The following ASAH2 variants were observed in gnomAD, a reference collection of about 807,000 sequenced individuals.
ASAH2 encodes neutral ceramidase.
ASAH2 carries 58 observed loss-of-function variants against 82.9 expected under a neutral mutation model. The observed-to-expected ratio is 0.70, with a 90% CI of 0.57 to 0.87. The LOEUF is 0.87. ASAH2 is among the 40% of genes least tolerant of loss of function. ASAH2 has a pLI of 0.00. For missense variants in ASAH2, 779 were observed against 834.0 expected, an observed-to-expected ratio of 0.93 and a Z score of 0.81; for synonymous variants, 276 against 289.7, an observed-to-expected ratio of 0.95 and a Z score of 0.48.
At chr10:50,220,747 C>T (rs889576568) in intron 7 of ASAH2, among the ~76,000 whole-genome samples, 2 of 147,758 alleles carry the variant, frequency 1.4e-5, no homozygotes, top group Admixed American at 6.9e-5. Flanking sequence ...GTAACCAACC[C>T]GCAAATGTAC....
At chr10:50,234,353 G>A (rs1846092700) in intron 6 of ASAH2, 72 bp downstream of exon 6, 1 of 1,600,612 alleles carries the variant, frequency 6.2e-7, no homozygotes, top group Admixed American at 1.7e-5. Flanking sequence ...TCAAGTAACA[G>A]CCCTGTACTT....
At chr10:50,221,898 C>T (rs1394511317) in intron 7 of ASAH2, among the ~76,000 whole-genome samples, 2 of 152,064 alleles carry the variant, frequency 1.3e-5, no homozygotes, top group African/African-American at 2.4e-5. Flanking sequence ...TTGAGACATG[C>T]TTCACAAAAG....
At chr10:50,209,037 G>A (rs1209447213) in intron 12 of ASAH2, among the ~76,000 whole-genome samples, 1 of 152,062 alleles carries the variant, frequency 6.6e-6, no homozygotes, top group Non-Finnish European at 1.5e-5. Flanking sequence ...TATAGAATGG[G>A]TAAATAATAA....
At chr10:50,218,738 A>G in intron 7 of ASAH2, 108 bp from the exon 8 acceptor site, 1 of 1,250,156 alleles carries the variant, frequency 8.0e-7, no homozygotes, top group Non-Finnish European at 1.2e-6. Context: ...ATATTTTTAA[A>G]TAATAGACAT....
intron 10 of ASAH2, among the ~76,000 whole-genome samples, chr10:50,212,197 A>G (rs1845473526): frequency 6.6e-6 from 1 of 151,892 alleles, no homozygotes; most frequent in African/African-American, 2.4e-5. Flanking sequence ...ACACACACAC[A>G]CACACACACA....
chr10:50,224,597 G>A (rs906997443), intron 7 of ASAH2, among the ~76,000 whole-genome samples: 12 of 151,882 alleles, frequency 7.9e-5, no homozygotes, highest in East Asian at 1.9e-4. Context: ...AAGGTGGGGC[G>A]TGTGAATACC....
intron 5 of ASAH2, among the ~76,000 whole-genome samples, chr10:50,235,175 A>T (rs1846124726): frequency 6.6e-6 from 1 of 152,140 alleles, no homozygotes; most frequent in African/African-American, 2.4e-5. Context: ...ATAAGCCTTT[A>T]ATACATTGAA....
At chr10:50,199,295 G>A in intron 16 of ASAH2, 149 bp from the exon 17 acceptor site, 9 of 784,072 alleles carry the variant, frequency 1.1e-5, no homozygotes, top group South Asian at 9.8e-5. Flanking sequence ...AAAAGAGGAT[G>A]GGCATTTCCA....
rs1845884629 is a variant in ASAH2, at chr10:50,226,351, T to C, written c.893+6833A>G. On this transcript the variant is annotated intron_variant, in intron 7 of 20. Coordinates refer to ENST00000682911, the MANE Select transcript of ASAH2 (RefSeq NM_019893.4). ...TTTAAGAAAAATATTATAAATGTGC[T>C]TAGAAAAAGTCTGAAAGACTATGTA... Among the ~76,000 whole-genome samples, 3 of 152,282 alleles carry C rather than the reference T, an allele frequency of 2.0e-5. No homozygotes were observed. The South Asian group carries it at 6.2e-4, about 32-fold the overall frequency.
At chr10:50,241,813 C>G (rs902776826) in intron 4 of ASAH2, among the ~76,000 whole-genome samples, 5 of 152,144 alleles carry the variant, frequency 3.3e-5, no homozygotes, top group African/African-American at 1.2e-4. Context: ...ACCACATGTT[C>G]TCACTCTTAA....
At chr10:50,247,080 C>T (rs1376125885) in intron 2 of ASAH2, among the ~76,000 whole-genome samples, 1 of 152,122 alleles carries the variant, frequency 6.6e-6, no homozygotes, top group African/African-American at 2.4e-5. Context: ...AGAATAGTTG[C>T]TGTAATTAAT....
At chr10:50,243,837 T>C (rs1340566759) in intron 3 of ASAH2, among the ~76,000 whole-genome samples, 1 of 152,240 alleles carries the variant, frequency 6.6e-6, no homozygotes, top group Non-Finnish European at 1.5e-5. Context: ...TGTATGATTT[T>C]GTTTTCTGAA....
chr10:50,244,470 A>G (rs1184086614), intron 3 of ASAH2, among the ~76,000 whole-genome samples: 1 of 152,228 alleles, frequency 6.6e-6, no homozygotes, highest in East Asian at 1.9e-4. Flanking sequence ...CAGAACACAC[A>G]GTCAAGAATC....
At chr10:50,210,351 T>A in intron 12 of ASAH2, among the ~76,000 whole-genome samples, 1 of 151,948 alleles carries the variant, frequency 6.6e-6, no homozygotes, top group African/African-American at 2.4e-5. Context: ...AATACAAAAA[T>A]TAGCCAAGCG....
intron 4 of ASAH2, among the ~76,000 whole-genome samples, chr10:50,242,934 T>A (rs1846342554): frequency 6.6e-6 from 1 of 152,218 alleles, no homozygotes; most frequent in East Asian, 1.9e-4. Flanking sequence ...TGGCACATTA[T>A]AAGCTTTCAA....
intron 17 of ASAH2, among the ~76,000 whole-genome samples, chr10:50,197,691 A>G (rs1427193528): frequency 1.3e-5 from 2 of 152,002 alleles, no homozygotes; most frequent in Non-Finnish European, 2.9e-5. Context: ...TTTCAAGATC[A>G]CATAGCTAGT....
intron 7 of ASAH2, among the ~76,000 whole-genome samples, chr10:50,222,304 T>C (rs1845770899): frequency 6.6e-6 from 1 of 152,160 alleles, no homozygotes; most frequent in Admixed American, 6.6e-5. Context: ...TTTGAAAAAG[T>C]GTCTCACTCT....
intron 7 of ASAH2, among the ~76,000 whole-genome samples, chr10:50,229,891 C>A (rs539109763): frequency 6.6e-6 from 1 of 152,254 alleles, no homozygotes; most frequent in East Asian, 1.9e-4. Context: ...GCACTGAGCC[C>A]AATTATAATT....
At chr10:50,199,258 G>A (rs2133197953) in intron 16 of ASAH2, 112 bp from the exon 17 acceptor site, 1 of 1,050,848 alleles carries the variant, frequency 9.5e-7, no homozygotes, top group Non-Finnish European at 1.5e-6. Context: ...ATTCAAAACT[G>A]GCACAATCTT....
Sources: gnomAD v4.1 joint callset for allele counts (sites outside exome capture counted in the v4.1 genomes callset) on GRCh38, gnomAD v4.1.1 for gene constraint, MANE v1.5 for transcripts, NCBI Gene and HGNC (gene_info 2026-07-23, HGNC 2026-07-21) for gene names.